CDK8: variants seen among roughly 807,000 people sequenced by gnomAD.
CDK8 encodes the protein cyclin dependent kinase 8, also known as cyclin-dependent kinase 8.
CDK8 carries 29 observed loss-of-function variants against 71.5 expected under a neutral mutation model. The observed-to-expected ratio is 0.41, with a 90% CI of 0.30 to 0.55. CDK8 has a LOEUF of 0.55. CDK8 is among the 20% of genes least tolerant of loss of function. The pLI is 0.37. For synonymous variants in CDK8, 161 were observed against 192.1 expected (o/e 0.84, Z 1.34); for missense variants, 288 against 572.6 (o/e 0.50, Z 5.07).
intron 6 of CDK8, 29 bp from the exon 7 acceptor site, chr13:26,393,338 T>G: frequency 7.0e-7 from 1 of 1,430,026 alleles, no homozygotes; most frequent in Non-Finnish European, 9.5e-7. Flanking sequence ...CTATTTTTCT[T>G]TCTTTTTTTT....
At chr13:26,373,261 T>G (rs1375403763) in intron 4 of CDK8, among the ~76,000 whole-genome samples, 1 of 152,158 alleles carries the variant, frequency 6.6e-6, no homozygotes, top group Non-Finnish European at 1.5e-5. Flanking sequence ...TTACATATAT[T>G]TGTTTGCATT....
At chr13:26,360,875 TC>T (rs1257312123) in intron 4 of CDK8, among the ~76,000 whole-genome samples, 1 of 152,080 alleles carries the variant, frequency 6.6e-6, no homozygotes, top group African/African-American at 2.4e-5. Context: ...CACAAAAGCT[TC>T]CCCCCATCCG....
chr13:26,276,780 A>G (rs1872577751), intron 1 of CDK8, among the ~76,000 whole-genome samples: 1 of 152,232 alleles, frequency 6.6e-6, no homozygotes, highest in Non-Finnish European at 1.5e-5. Context: ...ATCTCTTATG[A>G]AAACAGAAGT....
intron 1 of CDK8, among the ~76,000 whole-genome samples, chr13:26,285,198 C>T (rs1188381372): frequency 6.6e-6 from 1 of 152,094 alleles, no homozygotes; most frequent in Non-Finnish European, 1.5e-5. Context: ...TGCCACTGCA[C>T]CCCAGTCTGG....
intron 6 of CDK8, among the ~76,000 whole-genome samples, chr13:26,389,857 G>C (rs891307320): frequency 7.2e-5 from 11 of 151,998 alleles, no homozygotes; most frequent in Non-Finnish European, 1.3e-4. Flanking sequence ...AATTAGCCAG[G>C]CATGGTGGCG....
intron 4 of CDK8, among the ~76,000 whole-genome samples, chr13:26,375,809 A>G (rs1455299075): frequency 6.6e-6 from 1 of 152,240 alleles, no homozygotes; most frequent in African/African-American, 2.4e-5. Context: ...AAGTTTTTAA[A>G]AGTCCAGTTT....
At chr13:26,306,605 C>A (rs994440955) in intron 1 of CDK8, among the ~76,000 whole-genome samples, 1 of 149,460 alleles carries the variant, frequency 6.7e-6, no homozygotes, top group African/African-American at 2.5e-5. Flanking sequence ...ACTTCCCTCC[C>A]TTTGCCCCTT....
chr13:26,352,433 G>T (rs1246486220), intron 3 of CDK8, among the ~76,000 whole-genome samples: 1 of 152,020 alleles, frequency 6.6e-6, no homozygotes, highest in East Asian at 1.9e-4. Flanking sequence ...AGCCAGGATG[G>T]TCTTGATCTC....
intron 6 of CDK8, 124 bp downstream of exon 6, chr13:26,385,466 G>A (rs773458303): frequency 1.2e-5 from 9 of 725,242 alleles, no homozygotes; most frequent in Non-Finnish European, 1.5e-5. Context: ...TGAGTGTGAT[G>A]GCTCATGCCT....
At chr13:26,358,772 A>G (rs1445598690) in intron 4 of CDK8, among the ~76,000 whole-genome samples, 1 of 152,226 alleles carries the variant, frequency 6.6e-6, no homozygotes, top group African/African-American at 2.4e-5. Flanking sequence ...AAATGGGTAA[A>G]CAAAATGGGG....
Position 26,254,603 on chromosome 13 carries a change from G to GCCCCCCC in CDK8, c.-33_-32insCCCCCCC. 6.9e-7 allele frequency: 1 copy of GCCCCCCC among 1,454,172 alleles called. No individual in the cohort carries two copies. The highest frequency in any genetic ancestry group is 9.4e-7 in the Non-Finnish European group (1 of 1,067,022). The allele number at this position is 1,454,172 out of a possible 1,614,324, so 90.1% of individuals were successfully genotyped here. On this transcript the variant is annotated 5_prime_UTR_variant, in exon 1 of 13. Transcript: ENST00000381527. This position sits in a 1 kb window ranked among gnomAD's most constrained non-coding sequence, Gnocchi z 6.7. ...CCCCGGTCCCCACCCCTGCCCCCCGGCCCCCCGACCCAGCTCTCCGGCCTC... is the reference window on the plus strand; with the variant it reads ...CCCCGGTCCCCACCCCTGCCCCCCGGCCCCCCCCCCCCCGACCCAGCTCTCCGGCCTC...
chr13:26,384,846 A>G (rs1875400900), intron 5 of CDK8, among the ~76,000 whole-genome samples: 1 of 152,212 alleles, frequency 6.6e-6, no homozygotes, highest in Non-Finnish European at 1.5e-5. Flanking sequence ...GCCTTACTCT[A>G]ACTGATCCCA....
chr13:26,329,478 TTTTTGTTTTTTTTTTG>T (rs1875195684), intron 1 of CDK8, among the ~76,000 whole-genome samples: 1 of 118,734 alleles, frequency 8.4e-6, no homozygotes, highest in Non-Finnish European at 1.8e-5. Context: ...TGTTTTTTTT[TTTTTGTTTTTTTTTTG>T]TTTGTTTTGT....
chr13:26,391,918 T>A (rs1234257262), intron 6 of CDK8, among the ~76,000 whole-genome samples: 1 of 152,230 alleles, frequency 6.6e-6, no homozygotes, highest in Non-Finnish European at 1.5e-5. Flanking sequence ...GTTTTGGAAT[T>A]TAGGAATTCT....
rs1442480990 is a variant in CDK8 at position 26,396,267 on chromosome 13, T to TA, written c.791-17dup. ...TAGGAACTTAGGCAACATAAAAATTTATCAATGTATTTCACAGATAAAGAT... is the reference window on the plus strand; with the variant it reads ...TAGGAACTTAGGCAACATAAAAATTTAATCAATGTATTTCACAGATAAAGAT... On this transcript the variant is annotated splice_polypyrimidine_tract_variant and intron_variant, in intron 7 of 12. Transcript: ENST00000381527. The TA allele has an allele frequency of 3.5e-6, 4 of 1,129,374 alleles. No individual in the cohort carries two copies. Among genetic ancestry groups the TA allele is most frequent in the Non-Finnish European group, 5.1e-6 (4 of 791,592 alleles). 70.0% of individuals were successfully genotyped at this position (1,129,374 alleles called of 1,614,324 possible).
intron 2 of CDK8, among the ~76,000 whole-genome samples, chr13:26,340,688 T>G (rs1044202773): frequency 2.0e-5 from 3 of 152,200 alleles, no homozygotes; most frequent in African/African-American, 7.2e-5. Context: ...ACCCAGTTTG[T>G]TTCTTTAATA....
At chr13:26,379,708 T>TA (rs1282182106) in intron 4 of CDK8, among the ~76,000 whole-genome samples, 14 of 152,210 alleles carry the variant, frequency 9.2e-5, no homozygotes, top group Admixed American at 2.6e-4. Context: ...TTTTGCCAGA[T>TA]ACGGAGAGAA....
chr13:26,309,980 TTCTGACCTCAGGTGA>T (rs1365877235), intron 1 of CDK8, among the ~76,000 whole-genome samples: 1 of 152,144 alleles, frequency 6.6e-6, no homozygotes, highest in African/African-American at 2.4e-5. Context: ...GGTCTCGAAC[TTCTGACCTCAGGTGA>T]TCCACCTGCC....
chr13:26,350,685 G>A (rs1348118184), intron 3 of CDK8, among the ~76,000 whole-genome samples: 1 of 151,980 alleles, frequency 6.6e-6, no homozygotes, highest in Non-Finnish European at 1.5e-5. Flanking sequence ...TGCCCACCTC[G>A]GCCTCCCAAA....
Sources: allele counts gnomAD v4.1 joint callset (sites outside exome capture counted in the v4.1 genomes callset), GRCh38; gene constraint gnomAD v4.1.1; non-coding constraint Gnocchi (gnomAD v3.1); transcripts MANE v1.5; gene names NCBI Gene and HGNC (gene_info 2026-07-23, HGNC 2026-07-21).